Variants in TM6SF1 observed in about 807,000 individuals in gnomAD.
TM6SF1 encodes the protein transmembrane 6 superfamily member 1.
Under a neutral mutation model 47.1 loss-of-function variants are expected in TM6SF1, and 43 were observed. That is an observed-to-expected ratio of 0.91 (90% confidence interval 0.72 to 1.18). The LOEUF (loss-of-function observed/expected upper bound fraction) is 1.18, where lower values mean the gene tolerates loss of function less well. Ranked by LOEUF, TM6SF1 falls within the 50% of genes most tolerant of loss-of-function variation. The pLI, the probability that TM6SF1 is intolerant of heterozygous loss-of-function variation, is 0.00. For missense variants in TM6SF1, 390 were observed against 449.0 expected, an observed-to-expected ratio of 0.87 and a Z score of 1.19; for synonymous variants, 177 against 166.3, an observed-to-expected ratio of 1.06 and a Z score of -0.49.
intron 6 of TM6SF1, 123 bp from the exon 7 acceptor site, chr15:83,124,548 AT>A: frequency 1.4e-6 from 1 of 707,028 alleles, no homozygotes. Context: ...ATGGCCAGTG[AT>A]TTATGATATA....
At chr15:83,120,263 CAT>C (rs2035098474) in intron 4 of TM6SF1, among the ~76,000 whole-genome samples, 1 of 152,342 alleles carries the variant, frequency 6.6e-6, no homozygotes, top group Non-Finnish European at 1.5e-5. Flanking sequence ...GGGAGGCACA[CAT>C]GTGAGTTCTT....
intron 9 of TM6SF1, chr15:83,128,216 G>A: frequency 6.6e-6 from 1 of 152,172 alleles, no homozygotes; most frequent in East Asian, 1.9e-4. Flanking sequence ...AGAAACTGTA[G>A]GCTTGTACAG....
chr15:83,137,402 C>T lies in TM6SF1; in HGVS notation c.*730C>T, dbSNP rs956634591. The T allele has an allele frequency of 4.6e-5, 7 of 152,040 alleles. No individual in the cohort carries two copies. Among genetic ancestry groups the T allele is most frequent in the African/African-American group, 1.4e-4 (6 of 41,418 alleles). The allele number at this position is 152,040 out of a possible 1,614,324, so 9.4% of individuals were successfully genotyped here. Reference sequence around the variant, plus strand: ...AAATTTGAAACATTTCATATATACACATAAAACGCTTTTAAAGAAAATTTG... The same window carrying T: ...AAATTTGAAACATTTCATATATACATATAAAACGCTTTTAAAGAAAATTTG... On this transcript the variant is annotated 3_prime_UTR_variant, in exon 10 of 10. Transcript: ENST00000322019.
At chr15:83,115,720 C>T (rs1389899663) in intron 2 of TM6SF1, 125 bp from the exon 3 acceptor site, 3 of 750,450 alleles carry the variant, frequency 4.0e-6, no homozygotes, top group Non-Finnish European at 7.1e-6. Context: ...TAGTCTATCT[C>T]GATAATTGTC....
rs755090219 is a variant in TM6SF1, at chr15:83,124,657, C to G, written c.604-15C>G. 1.2e-6 allele frequency: 2 copies of G among 1,608,460 alleles called. No individual in the cohort carries two copies. The highest frequency in any genetic ancestry group is 1.1e-5 in the South Asian group (1 of 90,808). ...GCACTTTGGGCCTGCTCTTTAGGTA[C>G]AAACTCTATTTTAGGTTATTCAAGA... On this transcript the variant is annotated splice_polypyrimidine_tract_variant and intron_variant, in intron 6 of 9. Coordinates refer to ENST00000322019, the MANE Select transcript of TM6SF1 (RefSeq NM_023003.5).
intron 2 of TM6SF1, chr15:83,113,154 G>T (rs1020674334): frequency 2.5e-4 from 139 of 548,318 alleles, no homozygotes; most frequent in Non-Finnish European, 4.0e-4. Flanking sequence ...GCCAACCCCA[G>T]CATGCTTTGA....
rs771780075 is a variant in TM6SF1, at chr15:83,107,701, C to CG, written c.25dup (p.Val9GlyfsTer23). On this transcript the variant is annotated frameshift_variant, in exon 1 of 10. Coordinates refer to ENST00000322019, the MANE Select transcript of TM6SF1 (RefSeq NM_023003.5). LOFTEE classifies it high-confidence loss of function. This position sits in a 1 kb window ranked among gnomAD's most constrained non-coding sequence, Gnocchi z 5.6. ...CTGCGATGAGTGCCTCTGCGGCCAC[C>CG]GGGGTCTTCGTGCTGTCCCTCTCGG... 6.4e-7 allele frequency: 1 copy of CG among 1,564,846 alleles called. No homozygotes were observed.
chr15:83,120,065 C>G (rs571047434), intron 4 of TM6SF1: 101 of 209,702 alleles, frequency 4.8e-4, no homozygotes, highest in African/African-American at 2.1e-3. Context: ...CACAGCTCTG[C>G]GGCTTGGCTC....
Position 83,127,415 on chromosome 15 carries a change from G to A in TM6SF1, c.859G>A (p.Val287Met). ...PYFVTALYGL[V>M]VPGCSWMPDI... Reference sequence around the variant, plus strand: ...CTTTGTGACTGCACTGTATGGCTTAGTGGTTCCTGGATGTTCCTGGATGCC... The same window carrying A: ...CTTTGTGACTGCACTGTATGGCTTAATGGTTCCTGGATGTTCCTGGATGCC... Residue 287 changes from valine (V) to methionine (M), a missense_variant, in exon 9 of 10, where the codon GTG (valine) becomes ATG (methionine). Val to Met is a conservative substitution (Grantham distance 21). Coordinates refer to ENST00000322019, the MANE Select transcript of TM6SF1 (RefSeq NM_023003.5). 1 of 1,613,982 alleles carries A rather than the reference G, an allele frequency of 6.2e-7. No individual in the cohort carries two copies. Among genetic ancestry groups the A allele is most frequent in the Non-Finnish European group, 8.5e-7 (1 of 1,179,952 alleles).
Position 83,114,893 on chromosome 15 carries a change from T to C in TM6SF1, c.197-952T>C, listed in dbSNP as rs527251751. 6 of 152,376 alleles carry C rather than the reference T, an allele frequency of 3.9e-5. No individual in the cohort carries two copies. In the East Asian group the frequency reaches 9.6e-4, roughly 24 times the overall value. 9.4% of individuals were successfully genotyped at this position (152,376 alleles called of 1,614,324 possible). A position where few individuals can be genotyped will look rare whatever the true frequency, so the allele number is the denominator to read the frequency against. On this transcript the variant is annotated intron_variant, in intron 2 of 9. Coordinates refer to ENST00000322019, the MANE Select transcript of TM6SF1 (RefSeq NM_023003.5). ...CCCATTTAGGAGATGCTCACAACTC[T>C]GGTAAGATTCTCTGACAGGTATAGC...
chr15:83,112,714 G>A (rs1369713440), intron 1 of TM6SF1, 83 bp from the exon 2 acceptor site: 35 of 942,174 alleles, frequency 3.7e-5, no homozygotes, highest in African/African-American at 1.6e-5. Flanking sequence ...GCACTAGGAG[G>A]GAATGCATTC....
At position 83,136,746 on chromosome 15, in the gene TM6SF1, C is replaced by A; in HGVS notation, c.*74C>A. ...CTGGTACTGATATTTTGTCCCATTT[C>A]ACTCTCTTCTCATACGTGAGTACTT... On this transcript the variant is annotated 3_prime_UTR_variant, in exon 10 of 10. Transcript: ENST00000322019. The A allele has an allele frequency of 7.8e-7, 1 of 1,286,538 alleles. No homozygotes were observed. The highest frequency in any genetic ancestry group is 1.1e-6 in the Non-Finnish European group (1 of 922,556). The allele number at this position is 1,286,538 out of a possible 1,614,324, so 79.7% of individuals were successfully genotyped here. A position where few individuals can be genotyped will look rare whatever the true frequency, so the allele number is the denominator to read the frequency against.
chr15:83,126,624 G>A (rs2151375242), intron 7 of TM6SF1, 131 bp from the exon 8 acceptor site: 1 of 665,902 alleles, frequency 1.5e-6, no homozygotes, highest in Non-Finnish European at 2.6e-6. Flanking sequence ...TCATTGATGA[G>A]CCTCTACAAT....
chr15:83,118,280 G>C, intron 3 of TM6SF1, among the ~76,000 whole-genome samples: 1 of 151,776 alleles, frequency 6.6e-6, no homozygotes, highest in East Asian at 1.9e-4. Flanking sequence ...GAGAGAGCAA[G>C]AGAGAGAGAG....
chr15:83,129,592 CCTGT>C (rs1335404956), intron 9 of TM6SF1: 2 of 152,304 alleles, frequency 1.3e-5, no homozygotes, highest in African/African-American at 4.8e-5. Context: ...TTTATGAAAT[CCTGT>C]CTGACTCCAA....
Position 83,125,714 on chromosome 15 carries a change from G to A in TM6SF1, c.708+938G>A, listed in dbSNP as rs73455417. 4.3e-4 allele frequency among the ~76,000 whole-genome samples: 66 copies of A among 152,328 alleles called. 1 individual carries two copies. In the South Asian group the frequency reaches 4.6e-3, roughly 11 times the overall value. On this transcript the variant is annotated intron_variant, in intron 7 of 9. Coordinates refer to ENST00000322019, the MANE Select transcript of TM6SF1 (RefSeq NM_023003.5). ...TTCTATTCGAAGCCTGTTGGCGCGC[G>A]TAACAGTTGGACAGTAGAGTGGCAA...
rs773328097 is a variant in TM6SF1, at chr15:83,136,546, A to C, written c.987A>C (p.Glu329Asp). The part of the protein sequence containing the change: ...ARTAYVYRVP[E>D]EAKILFLALN... ...CTGCTTATGTCTACAGAGTCCCTGAAGAAGCAAAAATCCTTTTTTTAGCAT... is the reference window on the plus strand; with the variant it reads ...CTGCTTATGTCTACAGAGTCCCTGACGAAGCAAAAATCCTTTTTTTAGCAT... Residue 329 changes from glutamate to aspartate, a missense_variant, in exon 10 of 10, where the codon GAA (glutamate) becomes GAC (aspartate). Transcript: ENST00000322019. 5 of 1,613,886 alleles carry C rather than the reference A, an allele frequency of 3.1e-6. No individual in the cohort carries two copies. The highest frequency in any genetic ancestry group is 3.4e-6 in the Non-Finnish European group (4 of 1,179,914).
At chr15:83,134,618 CT>C (rs1355633950) in intron 9 of TM6SF1, 1 of 152,188 alleles carries the variant, frequency 6.6e-6, no homozygotes, top group Non-Finnish European at 1.5e-5. Flanking sequence ...GAATCACTGA[CT>C]TTTTACACAG....
intron 1 of TM6SF1, among the ~76,000 whole-genome samples, chr15:83,111,164 G>A (rs1002367319): frequency 2.6e-5 from 4 of 152,098 alleles, no homozygotes; most frequent in Non-Finnish European, 4.4e-5. Flanking sequence ...GAGCCACTGC[G>A]CCCGGCCTCA....
Sources: gnomAD v4.1 joint callset for allele counts (sites outside exome capture counted in the v4.1 genomes callset) on GRCh38, gnomAD v4.1.1 for gene constraint, Gnocchi (gnomAD v3.1) non-coding constraint, MANE v1.5 for transcripts, NCBI Gene and HGNC (gene_info 2026-07-23, HGNC 2026-07-21) for gene names.